OSBPL9: variants seen among roughly 807,000 people sequenced by gnomAD.
The protein encoded by OSBPL9 is oxysterol-binding protein-related protein 9.
Under a neutral mutation model 106.6 loss-of-function variants are expected in OSBPL9, and 40 were observed. That is an observed-to-expected ratio of 0.38 (90% CI 0.29 to 0.49). The LOEUF (loss-of-function observed/expected upper bound fraction) is 0.49, where lower values mean the gene tolerates loss of function less well. Ranked by LOEUF, OSBPL9 falls within the 20% of genes least tolerant of loss-of-function variation. The pLI is 0.97. For missense variants in OSBPL9, 609 were observed against 887.2 expected (o/e 0.69, Z 3.98); for synonymous variants, 269 against 295.4 (o/e 0.91, Z 0.92).
At chr1:51,750,687 C>A (rs571713126) in intron 8 of OSBPL9, among the ~76,000 whole-genome samples, 2 of 152,126 alleles carry the variant, frequency 1.3e-5, no homozygotes, top group African/African-American at 4.8e-5. Context: ...TTAAAAATTT[C>A]ATATATGTTG....
At chr1:51,753,805 C>A (rs1290215336) in intron 8 of OSBPL9, among the ~76,000 whole-genome samples, 1 of 152,168 alleles carries the variant, frequency 6.6e-6, no homozygotes, top group African/African-American at 2.4e-5. Flanking sequence ...GTATTGGTTC[C>A]TAAACTTTAC....
intron 1 of OSBPL9, among the ~76,000 whole-genome samples, chr1:51,596,724 G>A (rs371773930): frequency 4.9e-4 from 75 of 152,210 alleles, no homozygotes; most frequent in African/African-American, 1.7e-3. Flanking sequence ...AGGTTGCAGT[G>A]AGCTGAGATC....
chr1:51,756,402 G>C lies in OSBPL9; in HGVS notation c.582+44G>C, dbSNP rs748700517. On this transcript the variant is annotated intron_variant, in intron 9 of 23. Coordinates refer to ENST00000428468, the MANE Select transcript of OSBPL9 (RefSeq NM_024586.6). Reference sequence around the variant, plus strand: ...TTTTGTTTCCCTTTACTTCTGCAGAGCATTATAACCAGTCATATCAGGAGA... The same window carrying C: ...TTTTGTTTCCCTTTACTTCTGCAGACCATTATAACCAGTCATATCAGGAGA... The C allele has an allele frequency of 2.6e-6, 4 of 1,568,044 alleles. No homozygotes were observed. In the South Asian group the frequency reaches 4.5e-5, roughly 18 times the overall value.
intron 1 of OSBPL9, among the ~76,000 whole-genome samples, chr1:51,632,659 TGGG>T (rs1330536139): frequency 8.4e-6 from 1 of 119,180 alleles, no homozygotes; most frequent in Non-Finnish European, 1.9e-5. Context: ...AAGCCTGCGA[TGGG>T]GGGAGAAGTG....
chr1:51,548,266 T>A, the OSBPL9 span, among the ~76,000 whole-genome samples: 1 of 152,180 alleles, frequency 6.6e-6, no homozygotes, highest in Admixed American at 6.6e-5. Context: ...GGATTTTTTT[T>A]ATTTTGATTT....
At chr1:51,571,239 A>G in the OSBPL9 span, among the ~76,000 whole-genome samples, 1 of 152,334 alleles carries the variant, frequency 6.6e-6, no homozygotes, top group South Asian at 2.1e-4. Flanking sequence ...AGAAAGACTC[A>G]ATAAGTATGT....
chr1:51,573,373 T>C (rs577100706), upstream of OSBPL9, among the ~76,000 whole-genome samples: 28 of 151,562 alleles, frequency 1.8e-4, no homozygotes, highest in African/African-American at 6.3e-4. Flanking sequence ...CCGGGCATGG[T>C]AGTGCATGCC....
At chr1:51,603,674 T>C (rs1645333969) in intron 2 of OSBPL9, among the ~76,000 whole-genome samples, 1 of 152,198 alleles carries the variant, frequency 6.6e-6, no homozygotes, top group Non-Finnish European at 1.5e-5. Flanking sequence ...TAGGAGATAC[T>C]AGTAGTTAAT....
chr1:51,556,846 T>A, the OSBPL9 span, among the ~76,000 whole-genome samples: 4 of 149,362 alleles, frequency 2.7e-5, no homozygotes, highest in African/African-American at 9.8e-5. Context: ...TACATATATA[T>A]GTATATATAT....
intron 8 of OSBPL9, chr1:51,752,659 T>C (rs1669515687): frequency 4.7e-6 from 2 of 421,246 alleles, no homozygotes; most frequent in South Asian, 3.5e-5. Flanking sequence ...TTCTGGCCTG[T>C]TCAGTTTCTG....
the OSBPL9 span, among the ~76,000 whole-genome samples, chr1:51,566,883 C>T: frequency 2.0e-5 from 3 of 152,082 alleles, no homozygotes; most frequent in African/African-American, 7.2e-5. Context: ...TGAGGCCTGC[C>T]CCAGAGGAGG....
intron 2 of OSBPL9, among the ~76,000 whole-genome samples, chr1:51,656,648 C>T (rs1247433742): frequency 6.8e-6 from 1 of 147,204 alleles, no homozygotes; most frequent in Non-Finnish European, 1.5e-5. Flanking sequence ...ACTCCTGCTT[C>T]TCCTCCCCCT....
At chr1:51,732,352 T>C (rs1664645366) in intron 4 of OSBPL9, among the ~76,000 whole-genome samples, 1 of 152,218 alleles carries the variant, frequency 6.6e-6, no homozygotes, top group African/African-American at 2.4e-5. Context: ...AACAGATATT[T>C]ATGATGATTC....
chr1:51,527,330 GTGATGATGATGATGATGA>G, the OSBPL9 span, among the ~76,000 whole-genome samples: 3 of 110,226 alleles, frequency 2.7e-5, no homozygotes, highest in Admixed American at 2.4e-4. Flanking sequence ...AATGATGATG[GTGATGATGATGATGATGA>G]TGATGATGAT....
chr1:51,642,088 A>G (rs990034251), intron 1 of OSBPL9, among the ~76,000 whole-genome samples: 2 of 152,122 alleles, frequency 1.3e-5, no homozygotes, highest in African/African-American at 2.4e-5. Flanking sequence ...GTGAAGTTTA[A>G]TTTGTCTTTG....
chr1:51,746,979 T>G lies in OSBPL9; in HGVS notation c.462+222T>G, dbSNP rs143039230. On this transcript the variant is annotated intron_variant, in intron 6 of 23. Coordinates refer to ENST00000428468, the MANE Select transcript of OSBPL9 (RefSeq NM_024586.6). ...CAGAGTTGTGGAGTTTTTTTGGTTT[T>G]GTTTTGTTTTGAGATAGTCTTGCTC... 5.7e-3 allele frequency among the ~76,000 whole-genome samples: 873 copies of G among 152,338 alleles called. 2 individuals are homozygous for G. Among genetic ancestry groups the G allele is most frequent in the African/African-American group, 0.02 (827 of 41,568 alleles).
Position 51,761,924 on chromosome 1 carries a change from T to G in OSBPL9, c.731T>G (p.Val244Gly). The G allele has an allele frequency of 6.2e-7, 1 of 1,613,804 alleles. No individual in the cohort carries two copies. Among genetic ancestry groups the G allele is most frequent in the Non-Finnish European group, 8.5e-7 (1 of 1,179,730 alleles). The change falls in exon 11 of 24, where the codon GTG becomes GGG. Residue 244 changes from valine (V) to glycine (G), a missense_variant. Transcript: ENST00000428468. ...CCATCTTCCCTACCAGTTGGACCTG[T>G]GTTGGCTACCTTGGGACATCATCAG... ...QRPSSLPVGP[V>G]LATLGHHQTP...
the OSBPL9 span, among the ~76,000 whole-genome samples, chr1:51,530,942 C>A: frequency 6.6e-6 from 1 of 151,306 alleles, no homozygotes; most frequent in African/African-American, 2.4e-5. Flanking sequence ...CCACCGTACT[C>A]CAGCCTGGGT....
chr1:51,650,111 A>G (rs1409554502), intron 1 of OSBPL9, among the ~76,000 whole-genome samples: 1 of 152,134 alleles, frequency 6.6e-6, no homozygotes, highest in Admixed American at 6.5e-5. Flanking sequence ...TCCTGGGCCC[A>G]AGTGACCCTC....
Sources: allele counts gnomAD v4.1 joint callset (sites outside exome capture counted in the v4.1 genomes callset), GRCh38; gene constraint gnomAD v4.1.1; transcripts MANE v1.5; gene names NCBI Gene and HGNC (gene_info 2026-07-23, HGNC 2026-07-21).